JMJD1C: variants seen among roughly 807,000 people sequenced by gnomAD.
The protein encoded by JMJD1C is jumonji domain containing 1C, also known as jumonji domain-containing protein 1C.
In JMJD1C, 31 loss-of-function variants were observed where a neutral mutation model predicts 245.3. The ratio of observed to expected loss-of-function variants is 0.13; its 90% CI spans 0.09 to 0.17. The LOEUF is 0.17. JMJD1C is among the 10% of genes least tolerant of loss of function. The probability of loss-of-function intolerance (pLI) is 1.00; values close to 1 mark genes in which losing one functional copy is unlikely to be tolerated. For synonymous variants in JMJD1C, 1,057 were observed against 1,017.4 expected, an observed-to-expected ratio of 1.04 and a Z score of -0.74; for missense variants, 2,691 against 3,000.2, an observed-to-expected ratio of 0.90 and a Z score of 2.41.
chr10:63,190,061 C>T (rs917442003), intron 17 of JMJD1C, among the ~76,000 whole-genome samples: 1 of 151,738 alleles, frequency 6.6e-6, no homozygotes, highest in South Asian at 2.1e-4. Flanking sequence ...CCATGCCTGG[C>T]TAATTTTTGT....
intron 2 of JMJD1C, among the ~76,000 whole-genome samples, chr10:63,314,314 C>T (rs983798295): frequency 1.3e-5 from 2 of 152,220 alleles, no homozygotes; most frequent in Non-Finnish European, 2.9e-5. Flanking sequence ...AATCCCAGCA[C>T]TTTGGGAGGC....
In JMJD1C at chr10:63,325,953, T is replaced by C. The variant is rs535558331; in HGVS notation, c.333+54365A>G. 5.3e-5 allele frequency among the ~76,000 whole-genome samples: 8 copies of C among 152,336 alleles called. No homozygotes were observed. The East Asian group carries it at 1.2e-3, about 22-fold the overall frequency. On this transcript the variant is annotated intron_variant, in intron 2 of 25. Transcript: ENST00000399262. Reference sequence around the variant, plus strand: ...TACATATTAACTGCTAAATCCATCATAGCACAGTTGTTTTTGAATTATAAA... The same window carrying C: ...TACATATTAACTGCTAAATCCATCACAGCACAGTTGTTTTTGAATTATAAA...
At position 63,219,943 on chromosome 10, in the gene JMJD1C, G is replaced by A. The variant is rs766449028; in HGVS notation, c.488C>T (p.Pro163Leu). Reference protein sequence around the residue: ...DSLNPVLRDNPQLHEEVKVWV... With the variant: ...DSLNPVLRDNLQLHEEVKVWV... ...GACTTTCACTTCCTCATGAAGCTGC[G>A]GGTTGTCCCTGAGAACTGGGTTTAG... The change falls in exon 4 of 26, where the codon CCG becomes CTG. Residue 163 changes from proline to leucine, a missense_variant. By Grantham distance (98) the Pro-to-Leu change is moderately conservative. Coordinates refer to ENST00000399262, the MANE Select transcript of JMJD1C (RefSeq NM_032776.3). The A allele has an allele frequency of 2.4e-5, 38 of 1,613,350 alleles. No individual in the cohort carries two copies. Among genetic ancestry groups the A allele is most frequent in the East Asian group, 4.5e-5 (2 of 44,874 alleles).
intron 3 of JMJD1C, among the ~76,000 whole-genome samples, chr10:63,228,036 AC>A (rs1182552763): frequency 2.0e-5 from 3 of 152,148 alleles, no homozygotes; most frequent in African/African-American, 7.2e-5. Context: ...TGTCTATACC[AC>A]CTGCAGTTAA....
At chr10:63,386,894 G>A (rs781446296) in intron 1 of JMJD1C, among the ~76,000 whole-genome samples, 5 of 152,124 alleles carry the variant, frequency 3.3e-5, no homozygotes, top group Non-Finnish European at 7.3e-5. Flanking sequence ...AACTCTGGTG[G>A]CAGCATACGC....
intron 1 of JMJD1C, among the ~76,000 whole-genome samples, chr10:63,408,357 C>A (rs1057242108): frequency 6.6e-6 from 1 of 151,672 alleles, no homozygotes; most frequent in African/African-American, 2.4e-5. Context: ...AAGCCGAGAT[C>A]GCGCCATTGC....
chr10:63,210,775 G>A (rs1033710727), intron 8 of JMJD1C, among the ~76,000 whole-genome samples: 1 of 152,172 alleles, frequency 6.6e-6, no homozygotes, highest in Non-Finnish European at 1.5e-5. Flanking sequence ...TAGGGCACTT[G>A]GGTCACCAGG....
chr10:63,264,606 G>T, intron 3 of JMJD1C, 45 bp downstream of exon 3: 1 of 837,984 alleles, frequency 1.2e-6, no homozygotes, highest in Non-Finnish European at 1.9e-6. Context: ...TATCAATAAA[G>T]TTTAATTAAC....
intron 3 of JMJD1C, among the ~76,000 whole-genome samples, chr10:63,261,086 T>G (rs1854671851): frequency 6.6e-6 from 1 of 152,134 alleles, no homozygotes; most frequent in Non-Finnish European, 1.5e-5. Context: ...AAGTAGAAAC[T>G]TATTTGTGTG....
At chr10:63,425,546 C>T (rs969305118) in intron 1 of JMJD1C, among the ~76,000 whole-genome samples, 26 of 152,198 alleles carry the variant, frequency 1.7e-4, no homozygotes, top group Admixed American at 1.6e-3. Context: ...CTTTGGGAGG[C>T]CAAGACAGGC....
At chr10:63,239,589 C>T (rs1851231278) in intron 3 of JMJD1C, among the ~76,000 whole-genome samples, 1 of 152,256 alleles carries the variant, frequency 6.6e-6, no homozygotes, top group East Asian at 1.9e-4. Context: ...GGACTACAGG[C>T]ATGTGCCACC....
At chr10:63,314,642 T>C (rs918315961) in intron 2 of JMJD1C, among the ~76,000 whole-genome samples, 1 of 152,066 alleles carries the variant, frequency 6.6e-6, no homozygotes, top group Non-Finnish European at 1.5e-5. Context: ...TTTTTTTTTT[T>C]CAACTTTTAT....
intron 3 of JMJD1C, among the ~76,000 whole-genome samples, chr10:63,245,478 CTTTTTTTTT>C (rs71025134): frequency 7.8e-5 from 7 of 90,158 alleles, no homozygotes; most frequent in Admixed American, 4.8e-4. Flanking sequence ...CAGGGGAACT[CTTTTTTTTT>C]TTTTTTTTTT....
At chr10:63,265,322 T>C (rs986219189) in intron 2 of JMJD1C, among the ~76,000 whole-genome samples, 1 of 125,466 alleles carries the variant, frequency 8.0e-6, no homozygotes, top group African/African-American at 3.1e-5. Context: ...GAGAGAAGCA[T>C]GGAGGAAGGG....
intron 2 of JMJD1C, among the ~76,000 whole-genome samples, chr10:63,280,933 G>A (rs1013343411): frequency 1.3e-5 from 2 of 151,930 alleles, no homozygotes; most frequent in Non-Finnish European, 1.5e-5. Context: ...TGTGTGGCAT[G>A]GGATCCATGG....
chr10:63,480,555 A>G (rs151169494), intron 1 of JMJD1C, among the ~76,000 whole-genome samples: 81 of 152,100 alleles, frequency 5.3e-4, no homozygotes, highest in African/African-American at 1.9e-3. Flanking sequence ...GAAAGCTGTG[A>G]GCACAATGGT....
intron 1 of JMJD1C, among the ~76,000 whole-genome samples, chr10:63,485,148 A>C (rs1953954743): frequency 6.6e-6 from 1 of 151,982 alleles, no homozygotes; most frequent in Non-Finnish European, 1.5e-5. Context: ...TAAATAAAAA[A>C]TTCAAAACAA....
At chr10:63,400,082 T>C (rs1948756487) in intron 1 of JMJD1C, among the ~76,000 whole-genome samples, 1 of 152,152 alleles carries the variant, frequency 6.6e-6, no homozygotes, top group Non-Finnish European at 1.5e-5. Context: ...GCTTAAAAGG[T>C]ATTGTTTTTG....
chr10:63,275,463 T>TA (rs1856691451), intron 2 of JMJD1C, among the ~76,000 whole-genome samples: 3 of 152,162 alleles, frequency 2.0e-5, no homozygotes, highest in Non-Finnish European at 2.9e-5. Context: ...AAAGGAGAAA[T>TA]AAGCAGGATT....
Sources: allele counts gnomAD v4.1 joint callset (sites outside exome capture counted in the v4.1 genomes callset), GRCh38; gene constraint gnomAD v4.1.1; transcripts MANE v1.5; gene names NCBI Gene and HGNC (gene_info 2026-07-23, HGNC 2026-07-21).